ZNF808: variants seen among roughly 807,000 people sequenced by gnomAD.
The protein encoded by ZNF808 is zinc finger protein 808.
In ZNF808, 5 loss-of-function variants were observed where a neutral mutation model predicts 8.7. The observed-to-expected ratio is 0.58, with a 90% CI of 0.30 to 1.21. The LOEUF is 1.21. ZNF808 is among the 50% of genes most tolerant of loss of function. The probability of loss-of-function intolerance (pLI) is 0.07; values close to 1 mark genes in which losing one functional copy is unlikely to be tolerated. For missense variants in ZNF808, 1,103 were observed against 1,098.4 expected (o/e 1.00, Z -0.06); for synonymous variants, 380 against 366.0 (o/e 1.04, Z -0.44).
downstream of ZNF808, among the ~76,000 whole-genome samples, chr19:52,567,502 T>C (rs1192710801): frequency 7.7e-6 from 1 of 130,322 alleles, no homozygotes. Context: ...ATTATTATTA[T>C]TATTATTATT....
At chr19:52,540,588 T>C (rs2123116416) in intron 2 of ZNF808, among the ~76,000 whole-genome samples, 1 of 150,774 alleles carries the variant, frequency 6.6e-6, no homozygotes, top group East Asian at 1.9e-4. Flanking sequence ...GCCTATTCCA[T>C]TTTTTTTTCT....
At chr19:52,562,659 A>T (rs2059861737) in intron 3 of ZNF808, among the ~76,000 whole-genome samples, 1 of 152,214 alleles carries the variant, frequency 6.6e-6, no homozygotes, top group African/African-American at 2.4e-5. Context: ...TTTATATTTC[A>T]TGCATAGTGA....
At chr19:52,537,689 A>C (rs1433403612) in intron 2 of ZNF808, among the ~76,000 whole-genome samples, 3 of 64,574 alleles carry the variant, frequency 4.6e-5, no homozygotes, top group Non-Finnish European at 7.8e-5. Context: ...CCCTGTCTCA[A>C]AAAAAAAAAA....
Position 52,554,660 on chromosome 19 carries a change from C to T in ZNF808, c.1744C>T (p.Leu582Phe). The stretch of plus-strand genomic sequence containing the variant: ...GAAAGCTTTTAATCAACAATCACAT[C>T]TTTCACGTCATCGTAGACTTCATAC... The part of the protein sequence containing the change: ...CGKAFNQQSH[L>F]SRHRRLHTGE... The change falls in exon 5 of 5, where the codon CTT (leucine) becomes TTT (phenylalanine). Residue 582 changes from leucine to phenylalanine, a missense_variant. Physicochemically the swap from Leu to Phe is conservative, Grantham distance 22 (BLOSUM62 0). Coordinates refer to ENST00000359798, the MANE Select transcript of ZNF808 (RefSeq NM_001039886.4). The T allele has an allele frequency of 6.2e-7, 1 of 1,614,122 alleles. No individual in the cohort carries two copies. The highest frequency in any genetic ancestry group is 8.5e-7 in the Non-Finnish European group (1 of 1,180,016).
downstream of ZNF808, among the ~76,000 whole-genome samples, chr19:52,558,893 A>G (rs1308668082): frequency 6.6e-6 from 1 of 152,236 alleles, no homozygotes; most frequent in Non-Finnish European, 1.5e-5. Flanking sequence ...AGGGCTGTTC[A>G]GGATGTGCTT....
At position 52,554,753 on chromosome 19, in the gene ZNF808, CATAAG is replaced by C. The variant is rs751961019; in HGVS notation, c.1839_1843del (p.His613GlnfsTer15). The C allele has an allele frequency of 1.9e-6, 3 of 1,613,854 alleles. No individual in the cohort carries two copies. Among genetic ancestry groups the C allele is most frequent in the Non-Finnish European group, 2.5e-6 (3 of 1,179,920 alleles). On this transcript the variant is annotated frameshift_variant, in exon 5 of 5. Coordinates refer to ENST00000359798, the MANE Select transcript of ZNF808 (RefSeq NM_001039886.4). LOFTEE classifies it low-confidence loss of function (END_TRUNC). ...TGGTCAGAAATCAGCTCTTGAGTCA[CATAAG>C]AGAATTCATACTGGAGAGAAACCAT...
At chr19:52,548,817 A>G (rs1237082798) in intron 4 of ZNF808, among the ~76,000 whole-genome samples, 2 of 152,064 alleles carry the variant, frequency 1.3e-5, no homozygotes, top group Non-Finnish European at 2.9e-5. Context: ...CATCTTTACT[A>G]TTATAAATAA....
chr19:52,531,368 G>T (rs908620865), intron 1 of ZNF808, among the ~76,000 whole-genome samples: 16 of 151,638 alleles, frequency 1.1e-4, no homozygotes, highest in African/African-American at 3.9e-4. Context: ...TCAGCTACTC[G>T]GGAGGCTGAG....
chr19:52,530,713 G>C (rs188854429), intron 1 of ZNF808, among the ~76,000 whole-genome samples: 2 of 152,096 alleles, frequency 1.3e-5, no homozygotes, highest in Admixed American at 1.3e-4. Flanking sequence ...GTTGGGCCTG[G>C]TGGCTCATTC....
chr19:52,557,310 A>C (rs1158967926), downstream of ZNF808, among the ~76,000 whole-genome samples: 1 of 142,200 alleles, frequency 7.0e-6, no homozygotes, highest in Non-Finnish European at 1.5e-5. Context: ...CTTGTTGTTC[A>C]GGCTGGAGTG....
At chr19:52,567,820 C>T (rs1306788629), downstream of ZNF808, among the ~76,000 whole-genome samples, 2 of 151,978 alleles carry the variant, frequency 1.3e-5, no homozygotes, top group African/African-American at 2.4e-5. Flanking sequence ...CCACCGCGCC[C>T]GGCCTGAAGT....
At chr19:52,558,138 T>G (rs1484565580), downstream of ZNF808, among the ~76,000 whole-genome samples, 1 of 145,522 alleles carries the variant, frequency 6.9e-6, no homozygotes, top group Non-Finnish European at 1.5e-5. Context: ...CAGGCTGGAG[T>G]GCAGTGGCGC....
At chr19:52,534,058 C>G (rs1016889887) in intron 2 of ZNF808, among the ~76,000 whole-genome samples, 1 of 152,108 alleles carries the variant, frequency 6.6e-6, no homozygotes, top group African/African-American at 2.4e-5. Flanking sequence ...TGTCATGGCT[C>G]AAGCCTGTAA....
intron 2 of ZNF808, among the ~76,000 whole-genome samples, chr19:52,535,660 AGGG>A (rs1323362508): frequency 6.6e-6 from 1 of 152,194 alleles, no homozygotes; most frequent in African/African-American, 2.4e-5. Flanking sequence ...GAGAATAGAA[AGGG>A]GGAGGATTTC....
At chr19:52,537,988 G>C (rs188935367) in intron 2 of ZNF808, among the ~76,000 whole-genome samples, 1 of 147,758 alleles carries the variant, frequency 6.8e-6, no homozygotes, top group African/African-American at 2.5e-5. Flanking sequence ...AAAAAAAATC[G>C]CTGTTATTAC....
At chr19:52,552,920 T>A (rs754102010) in intron 4 of ZNF808, among the ~76,000 whole-genome samples, 187 bp from the exon 5 acceptor site, 9 of 152,180 alleles carry the variant, frequency 5.9e-5, no homozygotes, top group Admixed American at 1.3e-4. Flanking sequence ...TTTCATAGAA[T>A]TGATTTGAAG....
At chr19:52,545,214 G>C (rs191196780) in intron 3 of ZNF808, among the ~76,000 whole-genome samples, 22 of 152,158 alleles carry the variant, frequency 1.4e-4, no homozygotes, top group South Asian at 1.2e-3. Flanking sequence ...CTGTTGTCCA[G>C]GCAGGAGTGC....
chr19:52,528,602 GA>G (rs1180415804), intron 1 of ZNF808, among the ~76,000 whole-genome samples: 7 of 152,246 alleles, frequency 4.6e-5, no homozygotes, highest in Admixed American at 2.0e-4. Flanking sequence ...AAGGTAGGGA[GA>G]GTGGCAGCAA....
chr19:52,533,031 T>G (rs1473621470), intron 2 of ZNF808, 22 bp downstream of exon 2: 3 of 152,420 alleles, frequency 2.0e-5, no homozygotes, highest in Non-Finnish European at 4.4e-5. Context: ...ACACCCTATC[T>G]CAAACAAACA....
Sources: gnomAD v4.1 joint callset for allele counts (sites outside exome capture counted in the v4.1 genomes callset) on GRCh38, gnomAD v4.1.1 for gene constraint, MANE v1.5 for transcripts, NCBI Gene and HGNC (gene_info 2026-07-23, HGNC 2026-07-21) for gene names.